Variants in RERE observed in about 807,000 individuals in gnomAD.
RERE encodes arginine-glutamic acid dipeptide repeats protein.
A neutral mutation model predicts 146.1 loss-of-function variants in RERE; 40 were observed. The ratio of observed to expected loss-of-function variants is 0.27; its 90% CI spans 0.21 to 0.36. RERE has a LOEUF of 0.36. Ranked by LOEUF, RERE falls within the 10% of genes least tolerant of loss-of-function variation. RERE has a pLI of 1.00. For missense variants in RERE, 1,933 were observed against 2,138.7 expected, an observed-to-expected ratio of 0.90 and a Z score of 1.90; for synonymous variants, 1,003 against 866.0, an observed-to-expected ratio of 1.16 and a Z score of -2.78.
chr1:8,474,601 T>G (rs1479697816), intron 10 of RERE, among the ~76,000 whole-genome samples: 1 of 152,242 alleles, frequency 6.6e-6, no homozygotes, highest in Non-Finnish European at 1.5e-5. Flanking sequence ...CCTTTTGGCA[T>G]GGCTCAGCTG....
intron 8 of RERE, 96 bp downstream of exon 8, chr1:8,508,531 A>G (rs1645287509): frequency 2.1e-6 from 2 of 963,768 alleles, no homozygotes; most frequent in South Asian, 1.4e-5. Flanking sequence ...CCCGATAGCA[A>G]TAACCACATT....
At chr1:8,398,005 T>C (rs1046725394) in intron 12 of RERE, among the ~76,000 whole-genome samples, 5 of 152,222 alleles carry the variant, frequency 3.3e-5, no homozygotes, top group Non-Finnish European at 2.9e-5. Context: ...AGGTGTAAGA[T>C]AGAATTTCAT....
At chr1:8,806,010 C>A (rs1641686291) in intron 1 of RERE, 1 of 151,794 alleles carries the variant, frequency 6.6e-6, no homozygotes, top group Admixed American at 6.6e-5. Flanking sequence ...CGCCACCATG[C>A]CCAGCTAATT....
rs1417520393 is a variant in RERE at position 8,423,731 on chromosome 1, C to G, written c.1204-924G>C. 1 of 977,864 alleles carries G rather than the reference C, an allele frequency of 1.0e-6. No individual in the cohort carries two copies. The highest frequency in any genetic ancestry group is 1.8e-5 in the African/African-American group (1 of 56,534). 60.6% of individuals were successfully genotyped at this position (977,864 alleles called of 1,614,324 possible). On this transcript the variant is annotated intron_variant, in intron 11 of 22. Coordinates refer to ENST00000400908, the MANE Select transcript of RERE (RefSeq NM_001042681.2). This position sits in a 1 kb window ranked among gnomAD's most constrained non-coding sequence, Gnocchi z 5.4. ...GTGTGACCGCGGCGGGGCCGCGCGG[C>G]GCGGGGCCCGGGGGGCGCGGGGCTG...
At chr1:8,529,425 G>C (rs962563401) in intron 7 of RERE, among the ~76,000 whole-genome samples, 1 of 149,156 alleles carries the variant, frequency 6.7e-6, no homozygotes, top group Non-Finnish European at 1.5e-5. Context: ...GAGTAGCTGG[G>C]ACTACAGGTG....
intron 1 of RERE, among the ~76,000 whole-genome samples, chr1:8,686,292 G>A (rs1196725342): frequency 6.6e-6 from 1 of 152,054 alleles, no homozygotes; most frequent in Non-Finnish European, 1.5e-5. Flanking sequence ...CTGCATTTAG[G>A]TAATTTTTAA....
rs117088526 is a variant in RERE, at chr1:8,797,917, T to C, written c.-145+19243A>G. Reference sequence around the variant, plus strand: ...AGAGAGAACTTCAAGTTCAGCCTAATAGGCATTTACTACAAATAATATGAC... The same window carrying C: ...AGAGAGAACTTCAAGTTCAGCCTAACAGGCATTTACTACAAATAATATGAC... On this transcript the variant is annotated intron_variant, in intron 1 of 22. Coordinates refer to ENST00000400908, the MANE Select transcript of RERE (RefSeq NM_001042681.2). 8.4e-4 allele frequency among the ~76,000 whole-genome samples: 128 copies of C among 152,350 alleles called. 5 individuals carry two copies. In the East Asian group the frequency reaches 0.023, roughly 27 times the overall value.
chr1:8,775,637 G>A (rs908354800), intron 1 of RERE, among the ~76,000 whole-genome samples: 19 of 151,962 alleles, frequency 1.3e-4, no homozygotes, highest in African/African-American at 4.1e-4. Context: ...TTCCCTTAAC[G>A]GTATTTTCTA....
At chr1:8,477,180 T>G in intron 10 of RERE, among the ~76,000 whole-genome samples, 1 of 152,300 alleles carries the variant, frequency 6.6e-6, no homozygotes, top group South Asian at 2.1e-4. Flanking sequence ...TCTTTTTTTA[T>G]AAATGCGAGA....
At chr1:8,671,999 G>A (rs1017345501) in intron 1 of RERE, among the ~76,000 whole-genome samples, 4 of 152,130 alleles carry the variant, frequency 2.6e-5, no homozygotes, top group African/African-American at 9.7e-5. Flanking sequence ...GCCGGGCGTG[G>A]TGGCTCATCC....
chr1:8,645,808 C>T (rs1320705831), intron 2 of RERE, among the ~76,000 whole-genome samples: 7 of 152,228 alleles, frequency 4.6e-5, no homozygotes, highest in Non-Finnish European at 1.0e-4. Context: ...CCTCTATCCT[C>T]ACGAAGTAAT....
intron 11 of RERE, among the ~76,000 whole-genome samples, chr1:8,451,248 T>C (rs1644387141): frequency 6.6e-6 from 1 of 152,116 alleles, no homozygotes; most frequent in Non-Finnish European, 1.5e-5. Context: ...CTGGCCAACA[T>C]GGCGAAACCC....
At chr1:8,545,358 A>G (rs1351426400) in intron 6 of RERE, among the ~76,000 whole-genome samples, 1 of 152,206 alleles carries the variant, frequency 6.6e-6, no homozygotes, top group East Asian at 1.9e-4. Flanking sequence ...CACCTGGGGC[A>G]TCATCCGAAG....
Position 8,362,735 on chromosome 1 carries a change from G to A in RERE, c.1850C>T (p.Ala617Val), listed in dbSNP as rs1275007853. Residue 617 changes from alanine to valine, a missense_variant, in exon 16 of 23, where the codon GCC becomes GTC. Ala to Val is a moderately conservative substitution (Grantham distance 64). This residue lies in a region of RERE where 1,255 missense variants were observed against 1,153.8 expected (regional missense o/e 1.09). Transcript: ENST00000400908. ...TTTACTGTCATTGCTGGAGGTACTG[G>A]CAGCGCTGGGGGAGTTCCGGCCGCT... is the stretch of plus-strand genomic sequence containing the variant. ...RSSGRNSPSAASTSSNDSKAE... is the reference protein window; with the variant it reads ...RSSGRNSPSAVSTSSNDSKAE... 3.1e-6 allele frequency: 5 copies of A among 1,614,112 alleles called. No individual in the cohort carries two copies. Among genetic ancestry groups the A allele is most frequent in the Non-Finnish European group, 4.2e-6 (5 of 1,180,048 alleles).
intron 1 of RERE, among the ~76,000 whole-genome samples, chr1:8,692,787 C>G (rs939057783): frequency 1.8e-4 from 28 of 152,182 alleles, no homozygotes; most frequent in African/African-American, 6.5e-4. Flanking sequence ...GCCAAGAATA[C>G]AAAGGGCTTA....
chr1:8,383,414 T>G (rs1427714180), intron 12 of RERE, among the ~76,000 whole-genome samples: 1 of 151,920 alleles, frequency 6.6e-6, no homozygotes, highest in Non-Finnish European at 1.5e-5. Flanking sequence ...ACTATGGGGT[T>G]TGTGAGCCGT....
chr1:8,771,106 A>G (rs934300250), intron 1 of RERE, among the ~76,000 whole-genome samples: 2 of 152,192 alleles, frequency 1.3e-5, no homozygotes, highest in African/African-American at 4.8e-5. Flanking sequence ...TCCACTAAGG[A>G]GATGCAACAA....
intron 4 of RERE, among the ~76,000 whole-genome samples, chr1:8,596,441 C>A (rs1646555909): frequency 6.6e-6 from 1 of 152,286 alleles, no homozygotes; most frequent in South Asian, 2.1e-4. Flanking sequence ...CATTAAAATC[C>A]AGTGAATTGC....
chr1:8,551,123 T>G (rs1645929966), intron 6 of RERE, among the ~76,000 whole-genome samples: 1 of 152,094 alleles, frequency 6.6e-6, no homozygotes, highest in South Asian at 2.1e-4. Flanking sequence ...TGCAGTAGGA[T>G]ATTTCTTTCC....
Sources: gnomAD v4.1 joint callset for allele counts (sites outside exome capture counted in the v4.1 genomes callset) on GRCh38, gnomAD v4.1.1 for gene constraint, gnomAD v4.1.1 regional missense constraint, Gnocchi (gnomAD v3.1) non-coding constraint, MANE v1.5 for transcripts, NCBI Gene and HGNC (gene_info 2026-07-23, HGNC 2026-07-21) for gene names.